WRN: variants seen among roughly 807,000 people sequenced by gnomAD.
WRN encodes the protein WRN RecQ like helicase.
In WRN, 149 loss-of-function variants were observed where a neutral mutation model predicts 180.7. The observed-to-expected ratio is 0.82, with a 90% CI of 0.72 to 0.94. WRN has a LOEUF of 0.94. WRN is among the 40% of genes least tolerant of loss of function. The probability of loss-of-function intolerance (pLI) is 0.00; values close to 1 mark genes in which losing one functional copy is unlikely to be tolerated. For missense variants in WRN, 1,661 were observed against 1,700.1 expected (o/e 0.98, Z 0.40); for synonymous variants, 548 against 568.9 (o/e 0.96, Z 0.52).
In WRN at chr8:31,111,502, T is replaced by G. The variant is rs540094760; in HGVS notation, c.2089-113T>G. The G allele has an allele frequency of 6.8e-6, 9 of 1,329,936 alleles. No homozygotes were observed. The Admixed American group carries it at 1.6e-4, about 23-fold the overall frequency. 82.4% of individuals were successfully genotyped at this position (1,329,936 alleles called of 1,614,324 possible). On this transcript the variant is annotated intron_variant, in intron 18 of 34. Coordinates refer to ENST00000298139, the MANE Select transcript of WRN (RefSeq NM_000553.6). ...GCAAAAAAATTTTACAGTTGTGTCT[T>G]TAACATTGTACCACAAACTGTTGTC...
chr8:31,137,924 C>G (rs1234945491), intron 24 of WRN, among the ~76,000 whole-genome samples: 1 of 152,026 alleles, frequency 6.6e-6, no homozygotes, highest in South Asian at 2.1e-4. Flanking sequence ...CATAGCGAGA[C>G]CCTACCTCTA....
chr8:31,160,987 CAA>C (rs35397047), intron 33 of WRN, among the ~76,000 whole-genome samples: 87 of 141,586 alleles, frequency 6.1e-4, no homozygotes, highest in Middle Eastern at 3.8e-3. Context: ...GACTCTGTCT[CAA>C]AAAAAAAAAA....
chr8:31,157,540 A>G lies in WRN; in HGVS notation c.3982+10A>G, dbSNP rs1030686177. 5 of 1,613,890 alleles carry G rather than the reference A, an allele frequency of 3.1e-6. No individual in the cohort carries two copies. Among genetic ancestry groups the G allele is most frequent in the South Asian group, 1.1e-5 (1 of 91,046 alleles). Reference sequence around the variant, plus strand: ...CCTCCCGTCAACTCAGGTGAGAGGCATGGCCTAGCTCTGCACCCTTAATGA... The same window carrying G: ...CCTCCCGTCAACTCAGGTGAGAGGCGTGGCCTAGCTCTGCACCCTTAATGA... On this transcript the variant is annotated intron_variant, in intron 33 of 34. Transcript: ENST00000298139.
chr8:31,076,321 T>C, intron 8 of WRN, 34 bp downstream of exon 8: 1 of 1,507,848 alleles, frequency 6.6e-7, no homozygotes, highest in Non-Finnish European at 9.2e-7. Context: ...TTAACTTAAA[T>C]CAATTCTGTT....
intron 8 of WRN, among the ~76,000 whole-genome samples, chr8:31,077,406 A>G (rs1813138442): frequency 9.6e-6 from 1 of 104,548 alleles, no homozygotes; most frequent in African/African-American, 2.7e-5. Context: ...CCACCTGGCT[A>G]ATTTTTTTTT....
intron 15 of WRN, among the ~76,000 whole-genome samples, chr8:31,091,556 T>C (rs1272431380): frequency 6.6e-6 from 1 of 152,030 alleles, no homozygotes; most frequent in African/African-American, 2.4e-5. Flanking sequence ...AAACATACAG[T>C]TAGAAGGAAT....
chr8:31,059,309 T>C (rs758424926), intron 3 of WRN, 44 bp downstream of exon 3: 1 of 1,462,040 alleles, frequency 6.8e-7, no homozygotes, highest in Non-Finnish European at 9.6e-7. Flanking sequence ...TTTGGACCCT[T>C]AGAAGGTACT....
intron 18 of WRN, among the ~76,000 whole-genome samples, chr8:31,102,692 G>C (rs73581802): frequency 6.6e-6 from 1 of 152,186 alleles, no homozygotes; most frequent in Non-Finnish European, 1.5e-5. Context: ...TGTAGGACTG[G>C]AAGTTGCTCT....
In WRN at chr8:31,088,965, C is replaced by T. The variant is rs781107893; in HGVS notation, c.1652C>T (p.Pro551Leu). The T allele has an allele frequency of 1.2e-4, 195 of 1,608,426 alleles. No individual in the cohort carries two copies. The highest frequency in any genetic ancestry group is 3.6e-4 in the Middle Eastern group (2 of 5,592). ...KMYFGHSSFK[P>L]VQWKVIHSVL... ...TACTTTGGCCATTCCAGTTTTAAAC[C>T]GTGAGTATAATCTCATTTAATCAAA... The change falls in exon 13 of 35, where the codon CCA (proline) becomes CTA (leucine). Residue 551 changes from proline to leucine, a missense_variant and splice_region_variant. Around this residue, in one of 3 missense-constraint regions of WRN, gnomAD observed 1,141 missense variants for 1,149.4 expected, o/e 0.99. Transcript: ENST00000298139.
chr8:31,123,784 T>G (rs768295922), intron 21 of WRN, among the ~76,000 whole-genome samples: 22 of 152,126 alleles, frequency 1.4e-4, no homozygotes, highest in Non-Finnish European at 3.2e-4. Flanking sequence ...TTTGGGAGAT[T>G]GTCATCATCT....
At chr8:31,154,405 A>C (rs1042025476) in intron 31 of WRN, among the ~76,000 whole-genome samples, 5 of 152,106 alleles carry the variant, frequency 3.3e-5, no homozygotes, top group African/African-American at 1.2e-4. Flanking sequence ...GTTATTACAA[A>C]TATTTTATTA....
At chr8:31,127,984 CCTGTAGTCCCAGTCCTTTGGAAG>C (rs1330964960) in intron 23 of WRN, among the ~76,000 whole-genome samples, 1 of 151,874 alleles carries the variant, frequency 6.6e-6, no homozygotes, top group Non-Finnish European at 1.5e-5. Context: ...GTGGCTCACA[CCTGTAGTCCCAGTCCTTTGGAAG>C]GCCGAGGCAA....
Position 31,167,200 on chromosome 8 carries a change from A to G in WRN, c.4161A>G (p.Arg1387=). ...GSEEICSSSK[R]SKEEVGINTE... ...AAGAGATCTGTTCAAGTTCTAAGAGAAGCAAGGAAGAAGTAGGCATCAATA... is the reference window on the plus strand; with the variant it reads ...AAGAGATCTGTTCAAGTTCTAAGAGGAGCAAGGAAGAAGTAGGCATCAATA... Residue 1387 remains arginine, a synonymous_variant, in exon 34 of 35, where the codon AGA becomes AGG. Coordinates refer to ENST00000298139, the MANE Select transcript of WRN (RefSeq NM_000553.6). 6.2e-7 allele frequency: 1 copy of G among 1,613,206 alleles called. No homozygotes were observed.
intron 32 of WRN, among the ~76,000 whole-genome samples, chr8:31,155,100 A>G (rs1057360566): frequency 9.9e-5 from 15 of 152,238 alleles, no homozygotes; most frequent in Non-Finnish European, 1.5e-5. Flanking sequence ...AACAATCTCA[A>G]GATGCATTAA....
intron 23 of WRN, among the ~76,000 whole-genome samples, chr8:31,127,129 A>G (rs1236408417): frequency 6.6e-6 from 1 of 152,218 alleles, no homozygotes; most frequent in African/African-American, 2.4e-5. Flanking sequence ...TTTCAATGAC[A>G]AATTCTACCA....
intron 23 of WRN, among the ~76,000 whole-genome samples, chr8:31,125,329 A>T (rs1801877783): frequency 6.6e-6 from 1 of 151,148 alleles, no homozygotes; most frequent in Non-Finnish European, 1.5e-5. Context: ...CTGTAATTAT[A>T]TAGATAGGTT....
chr8:31,088,640 A>G (rs1813628105), intron 12 of WRN, among the ~76,000 whole-genome samples: 1 of 152,120 alleles, frequency 6.6e-6, no homozygotes, highest in Admixed American at 6.6e-5. Flanking sequence ...TCCTGATTCT[A>G]AAACATCAGT....
rs1269320702 is a variant in WRN, at chr8:31,100,955, G to T, written c.2088G>T (p.Met696Ile). The change falls in exon 18 of 35, where the codon ATG (methionine) becomes ATT (isoleucine). Residue 696 changes from methionine (M) to isoleucine (I), a missense_variant and splice_region_variant. Met to Ile is a conservative substitution (Grantham distance 10, BLOSUM62 1). Coordinates refer to ENST00000298139, the MANE Select transcript of WRN (RefSeq NM_000553.6). ...GCTCCCTAAAGACAGCACTGCCAAT[G>T]GTAAGCTTTGCCAAGTCTGATGTCC... ...KLGSLKTALPMVPIVALTATA... is the reference protein window; with the variant it reads ...KLGSLKTALPIVPIVALTATA... 6.2e-7 allele frequency: 1 copy of T among 1,613,122 alleles called. No homozygotes were observed. Among genetic ancestry groups the T allele is most frequent in the Admixed American group, 1.7e-5 (1 of 59,986 alleles).
chr8:31,141,594 GA>G lies in WRN; in HGVS notation c.3137del (p.Lys1046ArgfsTer53), dbSNP rs1322342790. The G allele has an allele frequency of 6.2e-7, 1 of 1,613,714 alleles. No homozygotes were observed. Among genetic ancestry groups the G allele is most frequent in the Non-Finnish European group, 8.5e-7 (1 of 1,179,930 alleles). ...AATTTATGAAGATTTGCGCCCTTACGAAAAAGGTAAACGGTGTAGGAGTCTG... is the reference window on the plus strand; with the variant it reads ...AATTTATGAAGATTTGCGCCCTTACGAAAAGGTAAACGGTGTAGGAGTCTG... ...NKFMKICALTKKGRNWLHKAN... is the reference protein window; with the variant it reads ...NKFMKICALTXKGRNWLHKAN... On this transcript the variant is annotated frameshift_variant, in exon 25 of 35. Coordinates refer to ENST00000298139, the MANE Select transcript of WRN (RefSeq NM_000553.6). LOFTEE classifies it high-confidence loss of function.
Sources: gnomAD v4.1 joint callset for allele counts (sites outside exome capture counted in the v4.1 genomes callset) on GRCh38, gnomAD v4.1.1 for gene constraint, gnomAD v4.1.1 regional missense constraint, MANE v1.5 for transcripts, NCBI Gene and HGNC (gene_info 2026-07-23, HGNC 2026-07-21) for gene names.